TUBG1: variants seen among roughly 807,000 people sequenced by gnomAD.
The protein encoded by TUBG1 is tubulin gamma 1, also known as tubulin gamma-1 chain.
In TUBG1, 22 loss-of-function variants were observed where a neutral mutation model predicts 53.3. The ratio of observed to expected loss-of-function variants is 0.41; its 90% CI spans 0.29 to 0.59. The LOEUF (loss-of-function observed/expected upper bound fraction) is 0.59, where lower values mean the gene tolerates loss of function less well. TUBG1 is among the 20% of genes least tolerant of loss of function. TUBG1 has a pLI of 0.26. For synonymous variants in TUBG1, 198 were observed against 236.7 expected (o/e 0.84, Z 1.50); for missense variants, 217 against 598.9 (o/e 0.36, Z 6.66).
chr17:42,613,848 G>C lies in TUBG1; in HGVS notation c.694-1G>C. On this transcript the variant is annotated splice_acceptor_variant, in intron 7 of 10. Coordinates refer to ENST00000251413, the MANE Select transcript of TUBG1 (RefSeq NM_001070.5). LOFTEE classifies it high-confidence loss of function. The stretch of plus-strand genomic sequence containing the variant: ...CCATAACATGGCACGCCTGTCCCCA[G>C]GTGTCTACCATCATGTCAGCCAGCA... The C allele has an allele frequency of 6.2e-7, 1 of 1,614,162 alleles. No individual in the cohort carries two copies. The highest frequency in any genetic ancestry group is 8.5e-7 in the Non-Finnish European group (1 of 1,180,026).
chr17:42,613,907 A>G lies in TUBG1; in HGVS notation c.752A>G (p.Asn251Ser). The change falls in exon 8 of 11, where the codon AAT becomes AGT. Residue 251 changes from asparagine to serine, a missense_variant. Coordinates refer to ENST00000251413, the MANE Select transcript of TUBG1 (RefSeq NM_001070.5). ...CTGCGCTACCCTGGCTACATGAACA[A>G]TGACCTCATCGGCCTCATCGCCTCG... ...TTLRYPGYMN[N>S]DLIGLIASLI... 6.2e-7 allele frequency: 1 copy of G among 1,614,118 alleles called. No individual in the cohort carries two copies.
In TUBG1 at chr17:42,614,054, G is replaced by T; in HGVS notation, c.843+56G>T. The T allele has an allele frequency of 6.2e-7, 1 of 1,611,386 alleles. No homozygotes were observed. Reference sequence around the variant, plus strand: ...GCCGGCCCTGGGCCCAACAGGCCCTGTCCTAGCCTTTCTCTCTTCCCCACT... The same window carrying T: ...GCCGGCCCTGGGCCCAACAGGCCCTTTCCTAGCCTTTCTCTCTTCCCCACT... On this transcript the variant is annotated intron_variant, in intron 8 of 10. Coordinates refer to ENST00000251413, the MANE Select transcript of TUBG1 (RefSeq NM_001070.5). This position sits in a 1 kb window ranked among gnomAD's most constrained non-coding sequence, Gnocchi z 5.1.
Position 42,615,118 on chromosome 17 carries a change from C to A in TUBG1, c.*77C>A. On this transcript the variant is annotated 3_prime_UTR_variant, in exon 11 of 11. Coordinates refer to ENST00000251413, the MANE Select transcript of TUBG1 (RefSeq NM_001070.5). ...CCTGACTGACCACCCCCTCAGAGCA[C>A]AGATCAGGGACCTCACGCATCTCTT... The A allele has an allele frequency of 1.4e-6, 2 of 1,453,742 alleles. No individual in the cohort carries two copies. Among genetic ancestry groups the A allele is most frequent in the Non-Finnish European group, 1.9e-6 (2 of 1,045,952 alleles). 90.1% of individuals were successfully genotyped at this position (1,453,742 alleles called of 1,614,324 possible).
chr17:42,614,493 C>T lies in TUBG1; in HGVS notation c.997-3C>T. The T allele has an allele frequency of 2.5e-6, 4 of 1,613,828 alleles. No homozygotes were observed. The highest frequency in any genetic ancestry group is 3.4e-6 in the Non-Finnish European group (4 of 1,179,754). On this transcript the variant is annotated splice_region_variant and splice_polypyrimidine_tract_variant and intron_variant, in intron 9 of 10. Coordinates refer to ENST00000251413, the MANE Select transcript of TUBG1 (RefSeq NM_001070.5). The surrounding 1 kb of genome is among the most constrained non-coding windows in gnomAD (Gnocchi z 5.1). ...ACCTCCACTGCTCCTATGCCCACCCCAGGTCCACAAGAGCTTGCAGAGGAT... is the reference window on the plus strand; with the variant it reads ...ACCTCCACTGCTCCTATGCCCACCCTAGGTCCACAAGAGCTTGCAGAGGAT...
At position 42,614,271 on chromosome 17, in the gene TUBG1, G is replaced by T; in HGVS notation, c.855G>T (p.Val285=). 6.2e-7 allele frequency: 1 copy of T among 1,613,980 alleles called. No individual in the cohort carries two copies. The highest frequency in any genetic ancestry group is 8.5e-7 in the Non-Finnish European group (1 of 1,179,876). ...CACTGTCCTATCAGGTGGCCAGCGT[G>T]AGGAAGACCACGGTCCTGGATGTCA... ...PLTTDQSVAS[V]RKTTVLDVMR... Residue 285 remains valine, a synonymous_variant, in exon 9 of 11, where the codon GTG becomes GTT. Transcript: ENST00000251413. The surrounding 1 kb of genome is among the most constrained non-coding windows in gnomAD (Gnocchi z 5.1).
chr17:42,612,108 A>G lies in TUBG1; in HGVS notation c.364A>G (p.Ile122Val), dbSNP rs1597748431. Residue 122 changes from isoleucine to valine, a missense_variant, in exon 4 of 11, where the codon ATA (isoleucine) becomes GTA (valine). Ile to Val is a conservative substitution (Grantham distance 29). Coordinates refer to ENST00000251413, the MANE Select transcript of TUBG1 (RefSeq NM_001070.5). ...GATCCATGAGGACATTTTTGACATC[A>G]TAGACCGGGAGGCAGATGGTAGTGA... Reference protein sequence around the residue: ...EKIHEDIFDIIDREADGSDSL... With the variant: ...EKIHEDIFDIVDREADGSDSL... 1.9e-6 allele frequency: 3 copies of G among 1,614,140 alleles called. No individual in the cohort carries two copies. The East Asian group carries it at 6.7e-5, about 36-fold the overall frequency.
chr17:42,612,153 C>G lies in TUBG1; in HGVS notation c.399+10C>G. On this transcript the variant is annotated intron_variant, in intron 4 of 10. Coordinates refer to ENST00000251413, the MANE Select transcript of TUBG1 (RefSeq NM_001070.5). Reference sequence around the variant, plus strand: ...TAGTGACAGTCTAGAGGTAAGTGTCCCAGGAATGCTGGTAGGAGCCGACAT... The same window carrying G: ...TAGTGACAGTCTAGAGGTAAGTGTCGCAGGAATGCTGGTAGGAGCCGACAT... 1 of 1,613,796 alleles carries G rather than the reference C, an allele frequency of 6.2e-7. No homozygotes were observed.
Position 42,614,224 on chromosome 17 carries a change from A to G in TUBG1, c.844-36A>G. 1.2e-6 allele frequency: 2 copies of G among 1,613,472 alleles called. No individual in the cohort carries two copies. The highest frequency in any genetic ancestry group is 1.7e-6 in the Non-Finnish European group (2 of 1,179,636). ...GAAGCCAAAGGGGGACTGTGCCCTG[A>G]GCGCTGGCCGGGTCCCTGTCTCACT... is the stretch of plus-strand genomic sequence containing the variant. On this transcript the variant is annotated intron_variant, in intron 8 of 10. Coordinates refer to ENST00000251413, the MANE Select transcript of TUBG1 (RefSeq NM_001070.5). This position sits in a 1 kb window ranked among gnomAD's most constrained non-coding sequence, Gnocchi z 5.1.
In TUBG1 at chr17:42,614,998, C is replaced by A. The variant is rs1380681285; in HGVS notation, c.1313C>A (p.Ala438Asp). ...VQQLIDEYHA[A>D]TRPDYISWGT... The stretch of plus-strand genomic sequence containing the variant: ...CAGCTCATCGATGAGTACCATGCGG[C>A]CACACGGCCAGACTACATCTCCTGG... Residue 438 changes from alanine (A) to aspartate (D), a missense_variant, in exon 11 of 11, where the codon GCC becomes GAC. By Grantham distance (126) the Ala-to-Asp change is moderately radical. Coordinates refer to ENST00000251413, the MANE Select transcript of TUBG1 (RefSeq NM_001070.5). This position sits in a 1 kb window ranked among gnomAD's most constrained non-coding sequence, Gnocchi z 5.1. 4 of 1,614,026 alleles carry A rather than the reference C, an allele frequency of 2.5e-6. No homozygotes were observed. The highest frequency in any genetic ancestry group is 3.4e-6 in the Non-Finnish European group (4 of 1,180,026).
chr17:42,610,256 C>T (rs2052021210), intron 2 of TUBG1, 36 bp downstream of exon 2: 1 of 1,613,682 alleles, frequency 6.2e-7, no homozygotes, highest in Non-Finnish European at 8.5e-7. Context: ...CGGCAGTTGC[C>T]CAAGGGGGCG....
Position 42,609,724 on chromosome 17 carries a change from G to T in TUBG1, c.-14G>T. 7 of 1,548,212 alleles carry T rather than the reference G, an allele frequency of 4.5e-6. No individual in the cohort carries two copies. Among genetic ancestry groups the T allele is most frequent in the Non-Finnish European group, 6.1e-6 (7 of 1,145,540 alleles). On this transcript the variant is annotated 5_prime_UTR_variant, in exon 1 of 11. Transcript: ENST00000251413. The stretch of plus-strand genomic sequence containing the variant: ...GCGGGCGGGAGCGGCTGCAACGCCG[G>T]TGCCTGAGGAGCGATGCCGAGGGAA...
intron 5 of TUBG1, 51 bp from the exon 6 acceptor site, chr17:42,612,896 T>C: frequency 6.2e-7 from 1 of 1,607,934 alleles, no homozygotes; most frequent in Non-Finnish European, 8.5e-7. Flanking sequence ...GAGCGCCATG[T>C]TCACCAGGCC....
At chr17:42,610,905 CTAGTT>C in intron 3 of TUBG1, 1 of 305,368 alleles carries the variant, frequency 3.3e-6, no homozygotes, top group East Asian at 5.7e-5. Context: ...CATTTCATAA[CTAGTT>C]TATCAGCAAA....
intron 5 of TUBG1, 117 bp downstream of exon 5, chr17:42,612,623 C>T (rs1336803409): frequency 3.1e-5 from 30 of 979,942 alleles, no homozygotes; most frequent in Non-Finnish European, 4.5e-5. Flanking sequence ...TATATTCCCT[C>T]CTATAGAGAG....
At chr17:42,612,337 A>G in intron 4 of TUBG1, 90 bp from the exon 5 acceptor site, 1 of 1,474,086 alleles carries the variant, frequency 6.8e-7, no homozygotes, top group South Asian at 1.2e-5. Context: ...AGGGCTCGGG[A>G]AAATGGGAGT....
chr17:42,610,851 C>CT, intron 3 of TUBG1: 1 of 410,518 alleles, frequency 2.4e-6, no homozygotes, highest in Non-Finnish European at 4.3e-6. Flanking sequence ...TCCACAGTCC[C>CT]TTATCTGCCT....
Position 42,614,234 on chromosome 17 carries a change from G to A in TUBG1, c.844-26G>A, listed in dbSNP as rs370068549. 1.6e-5 allele frequency: 26 copies of A among 1,613,636 alleles called. No homozygotes were observed. The Admixed American group carries it at 2.2e-4, about 13-fold the overall frequency. ...GGGGACTGTGCCCTGAGCGCTGGCCGGGTCCCTGTCTCACTGTCCTATCAG... is the reference window on the plus strand; with the variant it reads ...GGGGACTGTGCCCTGAGCGCTGGCCAGGTCCCTGTCTCACTGTCCTATCAG... On this transcript the variant is annotated intron_variant, in intron 8 of 10. Coordinates refer to ENST00000251413, the MANE Select transcript of TUBG1 (RefSeq NM_001070.5). The surrounding 1 kb of genome is among the most constrained non-coding windows in gnomAD (Gnocchi z 5.1).
Position 42,610,093 on chromosome 17 carries a change from G to C in TUBG1, c.50-15G>C, listed in dbSNP as rs16967891. 4 of 1,613,548 alleles carry C rather than the reference G, an allele frequency of 2.5e-6. No individual in the cohort carries two copies. Among genetic ancestry groups the C allele is most frequent in the Non-Finnish European group, 3.4e-6 (4 of 1,179,652 alleles). Reference sequence around the variant, plus strand: ...TAGATATCTTCTTTCTCCCCTGCCCGCCCCTTCCCCCCAGTTGGGTTCGAG... The same window carrying C: ...TAGATATCTTCTTTCTCCCCTGCCCCCCCCTTCCCCCCAGTTGGGTTCGAG... On this transcript the variant is annotated splice_polypyrimidine_tract_variant and intron_variant, in intron 1 of 10. Coordinates refer to ENST00000251413, the MANE Select transcript of TUBG1 (RefSeq NM_001070.5).
rs2052024175 is a variant in TUBG1 at position 42,610,609 on chromosome 17, G to A, written c.330+19G>A. The A allele has an allele frequency of 3.1e-6, 5 of 1,614,156 alleles. No individual in the cohort carries two copies. The East Asian group carries it at 1.1e-4, about 36-fold the overall frequency. On this transcript the variant is annotated intron_variant, in intron 3 of 10. Coordinates refer to ENST00000251413, the MANE Select transcript of TUBG1 (RefSeq NM_001070.5). ...CTCCCAGGTCGTTTCCTATTCCCTG[G>A]CAGGGCCCACAACTCGCTGGGTAGG...
Sources: gnomAD v4.1 joint callset for allele counts on GRCh38, gnomAD v4.1.1 for gene constraint, Gnocchi (gnomAD v3.1) non-coding constraint, MANE v1.5 for transcripts, NCBI Gene and HGNC (gene_info 2026-07-23, HGNC 2026-07-21) for gene names.